NRXN3: variants seen among roughly 807,000 people sequenced by gnomAD.
NRXN3 encodes the protein neurexin 3, also known as neurexin III.
In NRXN3, 32 loss-of-function variants were observed where a neutral mutation model predicts 137.6. That is an observed-to-expected ratio of 0.23 (90% CI 0.18 to 0.31). The LOEUF (loss-of-function observed/expected upper bound fraction) is 0.31. Among genes scored for constraint, NRXN3 ranks in the 10% least tolerant of loss-of-function variants. The pLI is 1.00. For missense variants in NRXN3, 1,574 were observed against 2,062.5 expected, an observed-to-expected ratio of 0.76 and a Z score of 4.59; for synonymous variants, 798 against 784.5, an observed-to-expected ratio of 1.02 and a Z score of -0.29.
At position 78,645,173 on chromosome 14, in the gene NRXN3, C is replaced by G; in HGVS notation, c.811C>G (p.Leu271Val). The stretch of plus-strand genomic sequence containing the variant: ...AGGCTCAGAGTATCTGTGCTACGAC[C>G]TGTCTCAGAACCCGATCCAGAGCAG... Reference protein sequence around the residue: ...FRGSEYLCYDLSQNPIQSSSD... With the variant: ...FRGSEYLCYDVSQNPIQSSSD... The change falls in exon 5 of 21, where the codon CTG becomes GTG. Residue 271 changes from leucine to valine, a missense_variant. Physicochemically the swap from Leu to Val is conservative, Grantham distance 32 (BLOSUM62 1). Around this residue, in one of 5 missense-constraint regions of NRXN3, gnomAD observed 400 missense variants for 527.3 expected, o/e 0.76. Coordinates refer to ENST00000335750, the MANE Select transcript of NRXN3 (RefSeq NM_001330195.2). 1 of 1,592,424 alleles carries G rather than the reference C, an allele frequency of 6.3e-7. No homozygotes were observed. Among genetic ancestry groups the G allele is most frequent in the Non-Finnish European group, 8.5e-7 (1 of 1,176,798 alleles).
chr14:78,228,376 G>T (rs1403810907), intron 1 of NRXN3, among the ~76,000 whole-genome samples: 1 of 151,978 alleles, frequency 6.6e-6, no homozygotes, highest in Non-Finnish European at 1.5e-5. Context: ...GGGGGATCTC[G>T]AACTCCTGAC....
At chr14:79,739,645 C>A (rs1401492962) in intron 19 of NRXN3, among the ~76,000 whole-genome samples, 15 of 48,604 alleles carry the variant, frequency 3.1e-4, no homozygotes, top group East Asian at 1.2e-3. Context: ...CGAGACTCTG[C>A]CTCAAAAAAA....
chr14:79,249,700 C>A (rs140929416), intron 15 of NRXN3, among the ~76,000 whole-genome samples: 3,167 of 152,190 alleles, frequency 0.021, 49 homozygotes, highest in Middle Eastern at 0.065. Context: ...CTCTCCACTG[C>A]CAAAATATAC....
intron 8 of NRXN3, among the ~76,000 whole-genome samples, chr14:78,769,694 A>G (rs1322585157): frequency 5.9e-5 from 9 of 152,226 alleles, no homozygotes; most frequent in Non-Finnish European, 1.0e-4. Context: ...ACACCTAACC[A>G]TGCTGTAAGG....
chr14:79,521,736 T>A (rs1293437779), intron 16 of NRXN3, among the ~76,000 whole-genome samples: 2 of 152,190 alleles, frequency 1.3e-5, no homozygotes, highest in Non-Finnish European at 2.9e-5. Context: ...CCATTTTCAT[T>A]CTGGTCTTCA....
At chr14:79,617,770 A>G (rs8017034) in intron 16 of NRXN3, among the ~76,000 whole-genome samples, 4,661 of 152,164 alleles carry the variant, frequency 0.031, 245 homozygotes, top group African/African-American at 0.11. Context: ...ACGTTGGTCA[A>G]TCTCCTGTTT....
chr14:79,074,650 G>A (rs1474360306), intron 15 of NRXN3: 2 of 152,232 alleles, frequency 1.3e-5, no homozygotes, highest in African/African-American at 4.8e-5. Flanking sequence ...GATCTGTTAG[G>A]CTGGACGCCA....
chr14:78,941,654 A>G (rs2099353220), intron 10 of NRXN3, among the ~76,000 whole-genome samples: 1 of 152,156 alleles, frequency 6.6e-6, no homozygotes, highest in Non-Finnish European at 1.5e-5. Flanking sequence ...CTTAGTAGCT[A>G]TTTACCCTTG....
intron 2 of NRXN3, chr14:78,250,153 G>C (rs748143462): frequency 2.0e-6 from 1 of 506,166 alleles, no homozygotes; most frequent in Non-Finnish European, 3.9e-6. Context: ...CAGGTATTAA[G>C]AGGCAGAGCT....
At chr14:79,696,809 A>ATGT (rs2098737231) in intron 18 of NRXN3, among the ~76,000 whole-genome samples, 3 of 151,938 alleles carry the variant, frequency 2.0e-5, no homozygotes, top group Non-Finnish European at 4.4e-5. Context: ...GGAGTTTTAT[A>ATGT]TGTTGCTTTC....
chr14:79,533,539 A>C (rs1004394979), intron 16 of NRXN3, among the ~76,000 whole-genome samples: 6 of 152,166 alleles, frequency 3.9e-5, no homozygotes, highest in South Asian at 2.1e-4. Flanking sequence ...CCTAAAAAAC[A>C]TCATCTGCTC....
At chr14:79,028,404 CAG>C (rs2099602029) in intron 15 of NRXN3, among the ~76,000 whole-genome samples, 2 of 152,244 alleles carry the variant, frequency 1.3e-5, no homozygotes, top group South Asian at 2.1e-4. Flanking sequence ...AGGGAAATCA[CAG>C]AGAGAAGGGA....
chr14:79,406,622 G>C (rs1181451515), intron 15 of NRXN3, among the ~76,000 whole-genome samples: 1 of 151,852 alleles, frequency 6.6e-6, no homozygotes, highest in Non-Finnish European at 1.5e-5. Context: ...CTTTTTTAAA[G>C]ATAAGACCTA....
intron 15 of NRXN3, among the ~76,000 whole-genome samples, chr14:79,348,302 G>C (rs1205668045): frequency 1.3e-5 from 2 of 151,870 alleles, no homozygotes; most frequent in African/African-American, 2.4e-5. Flanking sequence ...TTTAGATATA[G>C]AGTAGGTAAC....
intron 14 of NRXN3, among the ~76,000 whole-genome samples, chr14:78,984,374 T>TA (rs1435766110): frequency 7.9e-5 from 12 of 152,222 alleles, no homozygotes; most frequent in Non-Finnish European, 1.3e-4. Flanking sequence ...GAAATTAATT[T>TA]AATTACAGTC....
At chr14:79,482,311 T>A (rs1380106317) in intron 16 of NRXN3, among the ~76,000 whole-genome samples, 2 of 152,210 alleles carry the variant, frequency 1.3e-5, no homozygotes. Flanking sequence ...CAGGTCTCTT[T>A]CACTGTCATA....
intron 10 of NRXN3, among the ~76,000 whole-genome samples, chr14:78,930,540 C>T (rs953436141): frequency 6.6e-6 from 1 of 152,200 alleles, no homozygotes; most frequent in African/African-American, 2.4e-5. Flanking sequence ...AGATGAATTA[C>T]AGCACGAAGT....
chr14:79,835,312 A>G (rs572079001), intron 20 of NRXN3, among the ~76,000 whole-genome samples: 2 of 152,106 alleles, frequency 1.3e-5, no homozygotes, highest in South Asian at 4.1e-4. Flanking sequence ...TTATTTGCCA[A>G]TTTGAAAAAC....
intron 15 of NRXN3, among the ~76,000 whole-genome samples, chr14:79,095,496 G>A (rs1019520306): frequency 5.9e-5 from 9 of 151,972 alleles, no homozygotes; most frequent in African/African-American, 1.7e-4. Flanking sequence ...TCATTCACAC[G>A]TGCTTGCCTT....
Sources: allele counts gnomAD v4.1 joint callset (sites outside exome capture counted in the v4.1 genomes callset), GRCh38; gene constraint gnomAD v4.1.1; regional missense constraint gnomAD v4.1.1; transcripts MANE v1.5; gene names NCBI Gene and HGNC (gene_info 2026-07-23, HGNC 2026-07-21).